Variants in SOX5 observed in about 807,000 individuals in gnomAD.
The protein encoded by SOX5 is SRY-box transcription factor 5, also known as transcription factor SOX-5.
SOX5 carries 9 observed loss-of-function variants against 92.0 expected under a neutral mutation model. The observed-to-expected ratio is 0.10, with a 90% CI of 0.06 to 0.17. The LOEUF (loss-of-function observed/expected upper bound fraction) is 0.17, where lower values mean the gene tolerates loss of function less well. Among genes scored for constraint, SOX5 ranks in the 10% least tolerant of loss-of-function variants. The pLI is 1.00. For synonymous variants in SOX5, 344 were observed against 336.3 expected (o/e 1.02, Z -0.25); for missense variants, 642 against 944.5 (o/e 0.68, Z 4.20).
At chr12:24,011,483 C>A (rs1592312097) in intron 4 of SOX5, among the ~76,000 whole-genome samples, 1 of 152,138 alleles carries the variant, frequency 6.6e-6, no homozygotes, top group African/African-American at 2.4e-5. Context: ...TGCATCTATT[C>A]TTTCTTTTTA....
At chr12:24,061,938 T>C (rs759908869) in intron 4 of SOX5, among the ~76,000 whole-genome samples, 1 of 152,140 alleles carries the variant, frequency 6.6e-6, no homozygotes, top group African/African-American at 2.4e-5. Flanking sequence ...TTCAAATAAT[T>C]GTGTCTGAAT....
At chr12:24,329,353 G>C (rs1446033255) in intron 2 of SOX5, among the ~76,000 whole-genome samples, 1 of 152,150 alleles carries the variant, frequency 6.6e-6, no homozygotes, top group African/African-American at 2.4e-5. Flanking sequence ...CATGGCGGCA[G>C]GCGAGAGAGA....
At chr12:23,561,830 A>G (rs974214414) in intron 11 of SOX5, among the ~76,000 whole-genome samples, 20 of 133,050 alleles carry the variant, frequency 1.5e-4, no homozygotes, top group African/African-American at 5.1e-4. Context: ...AAAAAAAAAA[A>G]GGGTACAGAT....
chr12:23,970,841 A>ATATATAATTTTTAAT lies in SOX5; in HGVS notation c.-1-74818_-1-74817insATTAAAAATTATATA. 9.1e-5 allele frequency among the ~76,000 whole-genome samples: 2 copies of ATATATAATTTTTAAT among 21,878 alleles called. 1 individual carries two copies. The highest frequency in any genetic ancestry group is 2.1e-4 in the Non-Finnish European group (2 of 9,706). The allele number at this position is 21,878 out of a possible 152,430, so 14.4% of individuals were successfully genotyped here. A position where few individuals can be genotyped will look rare whatever the true frequency, so the allele number is the denominator to read the frequency against. On this transcript the variant is annotated intron_variant, in intron 4 of 4. Coordinates refer to the SOX5 transcript ENST00000446891. ...ACATGGGACTTTATATATATATATAATTTTTTTTTTTTTTTAAGAAATGGG... is the reference window on the plus strand; with the variant it reads ...ACATGGGACTTTATATATATATATAATATATAATTTTTAATTTTTTTTTTTTTTTTAAGAAATGGG...
At chr12:23,642,527 T>G (rs910640706) in intron 7 of SOX5, among the ~76,000 whole-genome samples, 1 of 152,188 alleles carries the variant, frequency 6.6e-6, no homozygotes, top group African/African-American at 2.4e-5. Context: ...ACAATTTTCA[T>G]GAAGAATCAA....
intron 6 of SOX5, among the ~76,000 whole-genome samples, chr12:23,729,214 G>A (rs2093293415): frequency 6.6e-6 from 1 of 151,862 alleles, no homozygotes; most frequent in South Asian, 2.1e-4. Flanking sequence ...GTGTTAGTTA[G>A]GTATTATATT....
chr12:24,047,646 A>C (rs1957184345), intron 4 of SOX5, among the ~76,000 whole-genome samples: 1 of 152,170 alleles, frequency 6.6e-6, no homozygotes, highest in African/African-American at 2.4e-5. Flanking sequence ...AGTGTCTGCA[A>C]ATCATAAATG....
In SOX5 at chr12:23,604,454, C is replaced by T. The variant is rs766094752; in HGVS notation, c.1097G>A (p.Gly366Asp). The change falls in exon 9 of 15, where the codon GGT becomes GAT. Residue 366 changes from glycine (G) to aspartate (D), a missense_variant. Gly to Asp is a moderately conservative substitution (Grantham distance 94). This residue lies in a region of SOX5 where 324 missense variants were observed against 461.6 expected (regional missense o/e 0.70). Coordinates refer to ENST00000451604, the MANE Select transcript of SOX5 (RefSeq NM_006940.6). ...AATGCTGGTAGGAGATACAGCAGCA[C>T]CAAGGTTGCCTTGGGGTATGCCTGG... ...KLPGIPQGNL[G>D]AAVSPTSIHT... 4.3e-6 allele frequency: 7 copies of T among 1,613,818 alleles called. No homozygotes were observed. In the East Asian group the frequency reaches 1.3e-4, roughly 31 times the overall value.
intron 1 of SOX5, among the ~76,000 whole-genome samples, chr12:24,558,573 T>C (rs1380771419): frequency 6.6e-6 from 1 of 152,206 alleles, no homozygotes; most frequent in Non-Finnish European, 1.5e-5. Flanking sequence ...AATATCAAAA[T>C]TCATTATATT....
intron 3 of SOX5, among the ~76,000 whole-genome samples, chr12:23,792,776 T>C (rs1380800463): frequency 1.3e-5 from 2 of 152,012 alleles, no homozygotes; most frequent in African/African-American, 4.8e-5. Flanking sequence ...TCATCATCTG[T>C]TGTGGTATCT....
At chr12:24,208,962 G>A (rs947608868) in intron 4 of SOX5, among the ~76,000 whole-genome samples, 38 of 152,128 alleles carry the variant, frequency 2.5e-4, no homozygotes, top group African/African-American at 8.5e-4. Flanking sequence ...TGACAGAAGC[G>A]GAAGAGTGTA....
At chr12:24,446,215 A>C (rs1941449713) in intron 1 of SOX5, among the ~76,000 whole-genome samples, 1 of 152,216 alleles carries the variant, frequency 6.6e-6, no homozygotes, top group Admixed American at 6.5e-5. Context: ...ATTAAGAAAA[A>C]TAATCATCCC....
At chr12:23,573,672 G>C (rs902013518) in intron 10 of SOX5, among the ~76,000 whole-genome samples, 2 of 152,124 alleles carry the variant, frequency 1.3e-5, no homozygotes, top group Non-Finnish European at 2.9e-5. Context: ...CTTGCCTTGA[G>C]TTGGGCTGGA....
chr12:23,724,280 G>C (rs12315048), intron 6 of SOX5, among the ~76,000 whole-genome samples: 4,118 of 151,688 alleles, frequency 0.027, 176 homozygotes, highest in African/African-American at 0.093. Context: ...TAACACACAC[G>C]CATACACACA....
chr12:24,560,051 G>A (rs1372796809), intron 1 of SOX5, among the ~76,000 whole-genome samples: 1 of 152,110 alleles, frequency 6.6e-6, no homozygotes, highest in African/African-American at 2.4e-5. Flanking sequence ...TTGCAAGTCT[G>A]TGTCAGATTG....
At position 24,408,445 on chromosome 12, in the gene SOX5, A is replaced by T. The variant is rs148471561; in HGVS notation, c.-250-39806T>A. On this transcript the variant is annotated intron_variant, in intron 1 of 4. Transcript: ENST00000446891. ...TGCAGAACTATACTACATTGTCACA[A>T]CCACGATACTGACATTGACAGAGTC... Among the ~76,000 whole-genome samples, 44 of 152,302 alleles carry T rather than the reference A, an allele frequency of 2.9e-4. No homozygotes were observed. In the East Asian group the frequency reaches 7.1e-3, roughly 25 times the overall value.
intron 3 of SOX5, among the ~76,000 whole-genome samples, chr12:24,217,688 G>A (rs909329514): frequency 2.6e-5 from 4 of 152,134 alleles, no homozygotes; most frequent in East Asian, 1.9e-4. Context: ...GGACACTATC[G>A]AGAGAGTGAA....
intron 4 of SOX5, among the ~76,000 whole-genome samples, chr12:23,982,511 C>A (rs970325592): frequency 1.1e-4 from 16 of 152,256 alleles, no homozygotes; most frequent in Admixed American, 2.6e-4. Flanking sequence ...ACTGGTCACT[C>A]ATTCTGAGTA....
chr12:23,795,584 T>G (rs1451406502), intron 3 of SOX5, among the ~76,000 whole-genome samples: 2 of 151,930 alleles, frequency 1.3e-5, no homozygotes, highest in African/African-American at 4.8e-5. Context: ...CGTATGTGAG[T>G]GTGTGAGAGT....
Sources: allele counts gnomAD v4.1 joint callset (sites outside exome capture counted in the v4.1 genomes callset), GRCh38; gene constraint gnomAD v4.1.1; regional missense constraint gnomAD v4.1.1; transcripts MANE v1.5; gene names NCBI Gene and HGNC (gene_info 2026-07-23, HGNC 2026-07-21).